The following HK1 variants were observed in gnomAD, a reference collection of about 807,000 sequenced individuals.
HK1 encodes hexokinase-1.
Under a neutral mutation model 91.6 loss-of-function variants are expected in HK1, and 28 were observed. The observed-to-expected ratio is 0.31, with a 90% confidence interval of 0.23 to 0.42. The LOEUF (loss-of-function observed/expected upper bound fraction) is 0.42. Among genes scored for constraint, HK1 ranks in the 10% least tolerant of loss-of-function variants. The pLI is 1.00. For synonymous variants in HK1, 430 were observed against 468.1 expected (o/e 0.92, Z 1.05); for missense variants, 770 against 1,219.8 (o/e 0.63, Z 5.49).
Position 69,369,402 on chromosome 10 carries a change from C to T in HK1, c.692-39C>T. 6.2e-7 allele frequency: 1 copy of T among 1,614,062 alleles called. No homozygotes were observed. Among genetic ancestry groups the T allele is most frequent in the Non-Finnish European group, 8.5e-7 (1 of 1,179,870 alleles). On this transcript the variant is annotated intron_variant, in intron 6 of 17. Transcript: ENST00000359426. The surrounding 1 kb of genome is among the most constrained non-coding windows in gnomAD (Gnocchi z 4.4). ...CTTTCCAGGTGGCTCTGCACCCTCC[C>T]CGTTGTGTGGTCATAGCTTCTGATC... is the stretch of plus-strand genomic sequence containing the variant.
chr10:69,364,886 A>G lies in HK1; in HGVS notation c.479A>G (p.Gln160Arg). The G allele has an allele frequency of 6.2e-7, 1 of 1,614,152 alleles. No homozygotes were observed. The highest frequency in any genetic ancestry group is 8.5e-7 in the Non-Finnish European group (1 of 1,180,034). ...VGFTFSFPCQ[Q>R]SKIDEAILIT... ...TTCACGTTTTCTTTTCCTTGCCAAC[A>G]ATCCAAAATAGATGAGGTAAGGATG... The change falls in exon 4 of 18, where the codon CAA becomes CGA. Residue 160 changes from glutamine to arginine, a missense_variant. This residue lies in a region of HK1 where 449 missense variants were observed against 665.1 expected (regional missense o/e 0.68). Coordinates refer to ENST00000359426, the MANE Select transcript of HK1 (RefSeq NM_000188.3).
chr10:69,388,219 C>T lies in HK1; in HGVS notation c.1936-978C>T, dbSNP rs142718663. ...CTTTGGGAGGCCAAGGCAGGAGGAA[C>T]GCTTGAGCCCAGGAGTTGGAGACCA... On this transcript the variant is annotated intron_variant, in intron 13 of 17. Transcript: ENST00000359426. Among the ~76,000 whole-genome samples, 192 of 152,238 alleles carry T rather than the reference C, an allele frequency of 1.3e-3. 1 individual carries two copies. Among genetic ancestry groups the T allele is most frequent in the African/African-American group, 4.3e-3 (180 of 41,546 alleles).
intron 2 of HK1, among the ~76,000 whole-genome samples, chr10:69,357,440 T>A (rs1283756049): frequency 6.6e-6 from 1 of 152,176 alleles, no homozygotes; most frequent in Non-Finnish European, 1.5e-5. Flanking sequence ...CAAGGTCATA[T>A]ACCGTATGAT....
At position 69,369,803 on chromosome 10, in the gene HK1, A is replaced by G. The variant is rs1849904340; in HGVS notation, c.875+179A>G. Among the ~76,000 whole-genome samples the G allele has an allele frequency of 6.6e-6, 1 of 152,170 alleles. No homozygotes were observed. Among genetic ancestry groups the G allele is most frequent in the African/African-American group, 2.4e-5 (1 of 41,430 alleles). The stretch of plus-strand genomic sequence containing the variant: ...ACCCAGGCTGGAGTGCAGTGGCTCA[A>G]TCTCAGCTCATTGCAACCTCCACCT... On this transcript the variant is annotated intron_variant, in intron 7 of 17. Coordinates refer to ENST00000359426, the MANE Select transcript of HK1 (RefSeq NM_000188.3). The surrounding 1 kb of genome is among the most constrained non-coding windows in gnomAD (Gnocchi z 4.4).
At chr10:69,356,043 G>A (rs889845918) in intron 2 of HK1, among the ~76,000 whole-genome samples, 3 of 152,176 alleles carry the variant, frequency 2.0e-5, no homozygotes, top group Non-Finnish European at 2.9e-5. Context: ...ACGAAATACA[G>A]GTTTGAATCT....
upstream of HK1, among the ~76,000 whole-genome samples, chr10:69,314,783 T>C (rs1181648788): frequency 6.6e-6 from 1 of 152,222 alleles, no homozygotes; most frequent in Admixed American, 6.5e-5. Flanking sequence ...TTCTCTTGCC[T>C]AAGCCTCCCA....
intron 1 of HK1, among the ~76,000 whole-genome samples, chr10:69,324,662 G>A (rs1252652753): frequency 1.3e-5 from 2 of 152,198 alleles, no homozygotes; most frequent in Admixed American, 6.5e-5. Context: ...CCACAGCATG[G>A]TGTGGTCATA....
intron 5 of HK1, among the ~76,000 whole-genome samples, chr10:69,301,237 T>A (rs1445995893): frequency 9.7e-6 from 1 of 103,292 alleles, no homozygotes; most frequent in Non-Finnish European, 1.9e-5. Flanking sequence ...AGAGCAAGAC[T>A]CCATCTCAAA....
Position 69,389,292 on chromosome 10 carries a change from T to C in HK1, c.2031T>C (p.Ile677=), listed in dbSNP as rs771730443. 1 of 1,601,632 alleles carries C rather than the reference T, an allele frequency of 6.2e-7. No homozygotes were observed. Residue 677 remains isoleucine (I), a synonymous_variant, in exon 14 of 18, where the codon ATT becomes ATC. Coordinates refer to ENST00000359426, the MANE Select transcript of HK1 (RefSeq NM_000188.3). ...AGCCCACCTGTGAGGTTGGACTCAT[T>C]GTTGGTGAGTGTCCTGGAAGGTCTC... ...YEEPTCEVGL[I]VGTGSNACYM...
intron 15 of HK1, 128 bp from the exon 16 acceptor site, chr10:69,394,822 G>A (rs746457307): frequency 2.6e-5 from 24 of 905,868 alleles, no homozygotes; most frequent in Non-Finnish European, 4.1e-5. Flanking sequence ...AGAGCACAGG[G>A]CTGGGCACAT....
intron 1 of HK1, among the ~76,000 whole-genome samples, chr10:69,271,912 G>A (rs1196226614): frequency 6.6e-6 from 1 of 151,808 alleles, no homozygotes; most frequent in South Asian, 2.1e-4. Flanking sequence ...TGCCCAGGCT[G>A]GAGTGTAGTG....
intron 1 of HK1, among the ~76,000 whole-genome samples, chr10:69,280,133 T>G (rs1315510160): frequency 6.6e-6 from 1 of 152,096 alleles, no homozygotes; most frequent in Non-Finnish European, 1.5e-5. Context: ...GTTTTGTTTT[T>G]TTTTTTTAGA....
chr10:69,327,152 C>G (rs986841105), intron 1 of HK1, among the ~76,000 whole-genome samples: 3 of 151,668 alleles, frequency 2.0e-5, no homozygotes, highest in African/African-American at 7.3e-5. Context: ...TCATACCTGG[C>G]TAATTTTTTT....
Position 69,382,473 on chromosome 10 carries a change from C to T in HK1, c.1266-14C>T, listed in dbSNP as rs1285453813. 3.7e-6 allele frequency: 6 copies of T among 1,614,060 alleles called. No individual in the cohort carries two copies. Among genetic ancestry groups the T allele is most frequent in the African/African-American group, 1.3e-5 (1 of 75,056 alleles). On this transcript the variant is annotated splice_polypyrimidine_tract_variant and intron_variant, in intron 9 of 17. Coordinates refer to ENST00000359426, the MANE Select transcript of HK1 (RefSeq NM_000188.3). ...AGTCCAGCTGTTGTGGAATGTCCCCCCTGCCCCCATAAGGTATTCCCGGCG... is the reference window on the plus strand; with the variant it reads ...AGTCCAGCTGTTGTGGAATGTCCCCTCTGCCCCCATAAGGTATTCCCGGCG...
At chr10:69,312,943 C>T (rs1041785293), upstream of HK1, among the ~76,000 whole-genome samples, 5 of 152,142 alleles carry the variant, frequency 3.3e-5, no homozygotes, top group Non-Finnish European at 4.4e-5. Context: ...GTTTCCTTCA[C>T]CTCCTTGGGA....
At chr10:69,390,860 G>A (rs1839865944) in intron 14 of HK1, among the ~76,000 whole-genome samples, 1 of 152,212 alleles carries the variant, frequency 6.6e-6, no homozygotes. Flanking sequence ...AAGTATGTGT[G>A]TGAAGCACTC....
intron 1 of HK1, among the ~76,000 whole-genome samples, chr10:69,322,239 GATCCCC>G (rs1735107682): frequency 6.6e-6 from 1 of 152,192 alleles, no homozygotes; most frequent in African/African-American, 2.4e-5. Context: ...CTCTGGGCGA[GATCCCC>G]ATAACGCTAA....
Position 69,380,837 on chromosome 10 carries a change from A to G in HK1, c.1265+742A>G, listed in dbSNP as rs1488383449. On this transcript the variant is annotated intron_variant, in intron 9 of 17. Coordinates refer to ENST00000359426, the MANE Select transcript of HK1 (RefSeq NM_000188.3). The surrounding 1 kb of genome is among the most constrained non-coding windows in gnomAD (Gnocchi z 4.0). The stretch of plus-strand genomic sequence containing the variant: ...TTTTAAAAGGCTAAAGGGAAATTCT[A>G]AGTCATTATTTAATAAGTTTTAATG... Among the ~76,000 whole-genome samples the G allele has an allele frequency of 6.6e-6, 1 of 152,122 alleles. No homozygotes were observed. Among genetic ancestry groups the G allele is most frequent in the African/African-American group, 2.4e-5 (1 of 41,424 alleles).
chr10:69,372,289 A>G (rs529594267), intron 7 of HK1, among the ~76,000 whole-genome samples: 232 of 152,332 alleles, frequency 1.5e-3, no homozygotes, highest in African/African-American at 5.4e-3. Context: ...TTTACTGCAT[A>G]CTGTAGGCCA....
Sources: allele counts gnomAD v4.1 joint callset (sites outside exome capture counted in the v4.1 genomes callset), GRCh38; gene constraint gnomAD v4.1.1; regional missense constraint gnomAD v4.1.1; non-coding constraint Gnocchi (gnomAD v3.1); transcripts MANE v1.5; gene names NCBI Gene and HGNC (gene_info 2026-07-23, HGNC 2026-07-21).